The following NFATC1 variants were observed in gnomAD, a reference collection of about 807,000 sequenced individuals.
The protein encoded by NFATC1 is nuclear factor of activated T-cells, cytoplasmic 1.
In NFATC1, 22 loss-of-function variants were observed where a neutral mutation model predicts 76.0. That is an observed-to-expected ratio of 0.29 (90% CI 0.21 to 0.41). NFATC1 has a LOEUF of 0.41. Ranked by LOEUF, NFATC1 falls within the 10% of genes least tolerant of loss-of-function variation. The probability of loss-of-function intolerance (pLI) is 1.00; values close to 1 mark genes in which losing one functional copy is unlikely to be tolerated. For synonymous variants in NFATC1, 704 were observed against 613.1 expected, an observed-to-expected ratio of 1.15 and a Z score of -2.19; for missense variants, 1,357 against 1,337.7, an observed-to-expected ratio of 1.01 and a Z score of -0.23.
chr18:79,461,994 C>T (rs960397726), intron 7 of NFATC1, among the ~76,000 whole-genome samples: 14 of 152,250 alleles, frequency 9.2e-5, no homozygotes, highest in African/African-American at 1.2e-4. Context: ...GTGGCAGACG[C>T]GTGGCTGGGT....
intron 8 of NFATC1, chr18:79,467,837 C>T: frequency 4.2e-6 from 5 of 1,177,584 alleles, no homozygotes; most frequent in Non-Finnish European, 5.3e-6. Flanking sequence ...TATTTTGCTT[C>T]TTGCGAATGT....
chr18:79,429,652 G>A (rs2086522164), intron 2 of NFATC1, among the ~76,000 whole-genome samples: 1 of 152,158 alleles, frequency 6.6e-6, no homozygotes, highest in East Asian at 1.9e-4. Context: ...CTCCTTTCCC[G>A]CTCATTTGGG....
chr18:79,469,352 C>T (rs1265233665), intron 8 of NFATC1: 54 of 985,386 alleles, frequency 5.5e-5, no homozygotes, highest in Admixed American at 6.1e-5. Context: ...TGGGTTTGAG[C>T]AGCACTGACT....
intron 9 of NFATC1, chr18:79,516,087 G>A (rs918874953): frequency 5.9e-5 from 9 of 152,184 alleles, no homozygotes; most frequent in East Asian, 1.9e-4. Context: ...TCCACACGGC[G>A]TTTGCATTCT....
In NFATC1 at chr18:79,524,465, G is replaced by A. The variant is rs72993945; in HGVS notation, c.2783-3063G>A. ...GTCAGCTGCTGCCATGGGGCAGCGGGAAGGCCCTGGAGGGTGCCTGGGCTG... is the reference window on the plus strand; with the variant it reads ...GTCAGCTGCTGCCATGGGGCAGCGGAAAGGCCCTGGAGGGTGCCTGGGCTG... On this transcript the variant is annotated intron_variant, in intron 9 of 9. Transcript: ENST00000427363. The surrounding 1 kb of genome is among the most constrained non-coding windows in gnomAD (Gnocchi z 7.2). Among the ~76,000 whole-genome samples, 42,918 of 152,154 alleles carry A rather than the reference G, an allele frequency of 0.28. 6,409 individuals are homozygous for A. The highest frequency in any genetic ancestry group is 0.31 in the Non-Finnish European group (21,205 of 67,952).
rs1555912185 is a variant in NFATC1, at chr18:79,465,908, TG to T, written c.1960-1540del. 1.3e-5 allele frequency among the ~76,000 whole-genome samples: 2 copies of T among 152,260 alleles called. No homozygotes were observed. Among genetic ancestry groups the T allele is most frequent in the Non-Finnish European group, 2.9e-5 (2 of 68,044 alleles). On this transcript the variant is annotated intron_variant, in intron 7 of 9. Transcript: ENST00000427363. This position sits in a 1 kb window ranked among gnomAD's most constrained non-coding sequence, Gnocchi z 4.2. ...AGGCCCCGCCCACTGACAGCACTCA[TG>T]GCCCCTCCGGCGGCAGCTTCAGCTC... is the stretch of plus-strand genomic sequence containing the variant.
At chr18:79,448,719 T>G in intron 3 of NFATC1, 63 bp from the exon 4 acceptor site, 1 of 1,546,652 alleles carries the variant, frequency 6.5e-7, no homozygotes, top group Non-Finnish European at 8.8e-7. Flanking sequence ...TTCTCTGCGT[T>G]CCGGTGACTC....
intron 1 of NFATC1, among the ~76,000 whole-genome samples, chr18:79,404,195 G>A (rs976207528): frequency 5.3e-5 from 8 of 152,324 alleles, no homozygotes; most frequent in Admixed American, 1.3e-4. Context: ...TCTGAGGAAC[G>A]ATGTCCCAGG....
chr18:79,439,637 A>G (rs761794893), intron 3 of NFATC1, among the ~76,000 whole-genome samples: 1 of 152,234 alleles, frequency 6.6e-6, no homozygotes, highest in Non-Finnish European at 1.5e-5. Flanking sequence ...CCCGCAGCCC[A>G]TGCAGCTGGG....
chr18:79,478,127 G>A (rs866361358), intron 8 of NFATC1, among the ~76,000 whole-genome samples: 289 of 10,878 alleles, frequency 0.027, 1 homozygote, highest in African/African-American at 0.091. Context: ...GCCCCCCCCC[G>A]CCCACCCCCA....
intron 2 of NFATC1, among the ~76,000 whole-genome samples, chr18:79,417,719 G>C (rs1287771093): frequency 5.4e-5 from 3 of 55,770 alleles, no homozygotes; most frequent in African/African-American, 2.6e-4. Flanking sequence ...GATGGGAGAT[G>C]GGCTGTGGTG....
In NFATC1 at chr18:79,469,669, A is replaced by T. The variant is rs577852514; in HGVS notation, c.2092+2087A>T. On this transcript the variant is annotated intron_variant, in intron 8 of 9. Transcript: ENST00000427363. ...CCCCCCATCTGCTCCAGCATGGCTC[A>T]ACGCAGGCCAGGTTCCCCAGGCTCA... 1.0e-5 allele frequency: 10 copies of T among 985,668 alleles called. No homozygotes were observed. The African/African-American group carries it at 1.6e-4, about 15-fold the overall frequency. The allele number at this position is 985,668 out of a possible 1,614,324, so 61.1% of individuals were successfully genotyped here. A position where few individuals can be genotyped will look rare whatever the true frequency, so the allele number is the denominator to read the frequency against.
intron 9 of NFATC1, among the ~76,000 whole-genome samples, chr18:79,494,310 C>G (rs2089799587): frequency 7.0e-6 from 1 of 143,414 alleles, no homozygotes. Flanking sequence ...GGCACACGCC[C>G]CCCATGAACC....
intron 9 of NFATC1, among the ~76,000 whole-genome samples, chr18:79,521,411 G>GT: frequency 9.2e-6 from 1 of 108,900 alleles, no homozygotes; most frequent in Non-Finnish European, 2.0e-5. Context: ...GTGTGTGTGT[G>GT]GGGGGCATCC....
At chr18:79,516,042 A>G (rs969236167) in intron 9 of NFATC1, 1 of 151,920 alleles carries the variant, frequency 6.6e-6, no homozygotes, top group Non-Finnish European at 1.5e-5. Context: ...GGAATCTCCC[A>G]GGCACGTGGT....
At chr18:79,526,274 C>G (rs540124885) in intron 9 of NFATC1, among the ~76,000 whole-genome samples, 5 of 152,374 alleles carry the variant, frequency 3.3e-5, no homozygotes, top group African/African-American at 1.2e-4. Context: ...GGGGCGGGAG[C>G]CCGGGCTCCT....
intron 9 of NFATC1, among the ~76,000 whole-genome samples, chr18:79,514,491 G>C (rs1296677077): frequency 6.8e-6 from 1 of 147,054 alleles, no homozygotes; most frequent in African/African-American, 2.5e-5. Context: ...GCATAAGCCT[G>C]GGAGATCAAG....
In NFATC1 at chr18:79,483,673, G is replaced by GT. The variant is rs202012346; in HGVS notation, c.2093-2574dup. On this transcript the variant is annotated intron_variant, in intron 8 of 9. Coordinates refer to ENST00000427363, the MANE Select transcript of NFATC1 (RefSeq NM_001278669.2). Reference sequence around the variant, plus strand: ...TGGGGTGTAATTCCAGCGTGACCTTGTCCTGGGGTGTCACTCCAGCGTGAC... The same window carrying GT: ...TGGGGTGTAATTCCAGCGTGACCTTGTTCCTGGGGTGTCACTCCAGCGTGAC... Among the ~76,000 whole-genome samples, 16 of 139,440 alleles carry GT rather than the reference G, an allele frequency of 1.1e-4. 1 individual carries two copies. Among genetic ancestry groups the GT allele is most frequent in the African/African-American group, 3.5e-4 (13 of 36,776 alleles). 91.5% of individuals were successfully genotyped at this position (139,440 alleles called of 152,430 possible).
Position 79,448,898 on chromosome 18 carries a change from C to A in NFATC1, c.1503C>A (p.Thr501=), listed in dbSNP as rs773246616. ...FYQVHRITGK[T]VSTTSHEAIL... Reference sequence around the variant, plus strand: ...AGGTGCACCGCATCACAGGGAAGACCGTGTCCACCACCAGCCACGAGGCCA... The same window carrying A: ...AGGTGCACCGCATCACAGGGAAGACAGTGTCCACCACCAGCCACGAGGCCA... The change falls in exon 4 of 10, where the codon ACC becomes ACA. Residue 501 remains threonine, a synonymous_variant. Transcript: ENST00000427363. 6.2e-7 allele frequency: 1 copy of A among 1,613,680 alleles called. No individual in the cohort carries two copies. Among genetic ancestry groups the A allele is most frequent in the South Asian group, 1.1e-5 (1 of 91,086 alleles).
Sources: gnomAD v4.1 joint callset for allele counts (sites outside exome capture counted in the v4.1 genomes callset) on GRCh38, gnomAD v4.1.1 for gene constraint, Gnocchi (gnomAD v3.1) non-coding constraint, MANE v1.5 for transcripts, NCBI Gene and HGNC (gene_info 2026-07-23, HGNC 2026-07-21) for gene names.